Variants in ASCC3 observed in about 807,000 individuals in gnomAD.
ASCC3 encodes the protein ASC-1 complex subunit P200.
Under a neutral mutation model 256.3 loss-of-function variants are expected in ASCC3, and 158 were observed. That is an observed-to-expected ratio of 0.62 (90% CI 0.54 to 0.70). The LOEUF (loss-of-function observed/expected upper bound fraction) is 0.70. Among genes scored for constraint, ASCC3 ranks in the 30% least tolerant of loss-of-function variants. The pLI, the probability that ASCC3 is intolerant of heterozygous loss-of-function variation, is 0.00. For synonymous variants in ASCC3, 948 were observed against 883.4 expected (o/e 1.07, Z -1.30); for missense variants, 2,259 against 2,626.0 (o/e 0.86, Z 3.05).
chr6:100,618,717 GA>G (rs1489174857), intron 30 of ASCC3, among the ~76,000 whole-genome samples: 2 of 152,180 alleles, frequency 1.3e-5, no homozygotes, highest in Non-Finnish European at 2.9e-5. Context: ...ATCTGGTGGT[GA>G]GAAGATTATA....
intron 10 of ASCC3, among the ~76,000 whole-genome samples, chr6:100,732,231 T>C (rs1779939314): frequency 1.3e-5 from 2 of 151,326 alleles, no homozygotes; most frequent in Admixed American, 1.3e-4. Flanking sequence ...TTAAATGTGA[T>C]GAACTAAATA....
At position 100,652,713 on chromosome 6, in the gene ASCC3, T is replaced by C; in HGVS notation, c.2988+12A>G. 6.2e-7 allele frequency: 1 copy of C among 1,610,808 alleles called. No individual in the cohort carries two copies. The highest frequency in any genetic ancestry group is 1.1e-5 in the South Asian group (1 of 90,932). ...GCATCTAAAATCAAACATATTTGCA[T>C]TAGTATAATACCTCAATGGTGTTGT... On this transcript the variant is annotated intron_variant, in intron 18 of 41. Coordinates refer to ENST00000369162, the MANE Select transcript of ASCC3 (RefSeq NM_006828.4).
rs144572321 is a variant in ASCC3, at chr6:100,700,945, G to C, written c.2151+14517C>G. 6.4e-4 allele frequency among the ~76,000 whole-genome samples: 98 copies of C among 152,220 alleles called. 1 individual carries two copies. Among genetic ancestry groups the C allele is most frequent in the Middle Eastern group, 3.4e-3 (1 of 294 alleles). On this transcript the variant is annotated intron_variant, in intron 13 of 41. Transcript: ENST00000369162. ...TGCTGAAATGAGTTAAGACTTTGGG[G>C]AACTGTTGGGAAGGCATGATTGGTT...
At chr6:100,554,806 T>G (rs1451025345) in intron 36 of ASCC3, among the ~76,000 whole-genome samples, 1 of 152,124 alleles carries the variant, frequency 6.6e-6, no homozygotes, top group Non-Finnish European at 1.5e-5. Context: ...GGTCCAGATA[T>G]ATCAACGGAT....
chr6:100,670,642 C>T (rs1318113629), intron 14 of ASCC3, among the ~76,000 whole-genome samples: 1 of 143,450 alleles, frequency 7.0e-6, no homozygotes, highest in African/African-American at 2.6e-5. Context: ...ACTTTTTTTC[C>T]CCCCCAAATT....
At chr6:100,654,370 A>G (rs981525371) in intron 17 of ASCC3, among the ~76,000 whole-genome samples, 8 of 151,874 alleles carry the variant, frequency 5.3e-5, no homozygotes, top group Non-Finnish European at 7.4e-5. Flanking sequence ...AGGTCTTTAT[A>G]CTGGAAAATG....
chr6:100,538,319 CA>C (rs1775271284), intron 37 of ASCC3, among the ~76,000 whole-genome samples: 1 of 152,028 alleles, frequency 6.6e-6, no homozygotes, highest in South Asian at 2.1e-4. Context: ...GACTAATAAG[CA>C]GTAGCAAATC....
chr6:100,582,843 A>G (rs1771383224), intron 36 of ASCC3, among the ~76,000 whole-genome samples: 1 of 152,178 alleles, frequency 6.6e-6, no homozygotes, highest in Non-Finnish European at 1.5e-5. Context: ...TATTGAGATA[A>G]TCATGTGGTT....
At chr6:100,808,691 T>C (rs1401981557) in intron 4 of ASCC3, among the ~76,000 whole-genome samples, 1 of 151,970 alleles carries the variant, frequency 6.6e-6, no homozygotes, top group Non-Finnish European at 1.5e-5. Flanking sequence ...TCTATTATTA[T>C]TGTTATTTTA....
chr6:100,678,383 C>A (rs1311389034), intron 14 of ASCC3, among the ~76,000 whole-genome samples: 1 of 151,854 alleles, frequency 6.6e-6, no homozygotes, highest in Non-Finnish European at 1.5e-5. Flanking sequence ...CAAAACTGTA[C>A]AATCTGTACA....
At chr6:100,835,735 G>C (rs1183828356) in intron 4 of ASCC3, among the ~76,000 whole-genome samples, 1 of 151,976 alleles carries the variant, frequency 6.6e-6, no homozygotes, top group Non-Finnish European at 1.5e-5. Flanking sequence ...GCTATCCAGG[G>C]TCTTCTGTGA....
chr6:100,513,407 C>A (rs1285897417), intron 39 of ASCC3, among the ~76,000 whole-genome samples: 2 of 152,076 alleles, frequency 1.3e-5, no homozygotes, highest in East Asian at 3.9e-4. Flanking sequence ...TTTAGAGAAG[C>A]ATCTATTCAG....
At chr6:100,733,550 T>G (rs1780008951) in intron 10 of ASCC3, among the ~76,000 whole-genome samples, 1 of 152,300 alleles carries the variant, frequency 6.6e-6, no homozygotes, top group East Asian at 1.9e-4. Flanking sequence ...CAGACGCCGA[T>G]GCCCAATCTT....
intron 13 of ASCC3, among the ~76,000 whole-genome samples, chr6:100,683,948 T>C (rs1777430751): frequency 6.6e-6 from 1 of 152,224 alleles, no homozygotes; most frequent in Admixed American, 6.5e-5. Flanking sequence ...ATGGAATCAT[T>C]CCCATACTTG....
Position 100,557,195 on chromosome 6 carries a change from G to A in ASCC3, c.5551-16808C>T, listed in dbSNP as rs187940888. On this transcript the variant is annotated intron_variant, in intron 36 of 41. Coordinates refer to ENST00000369162, the MANE Select transcript of ASCC3 (RefSeq NM_006828.4). The stretch of plus-strand genomic sequence containing the variant: ...AACATTTATTTTTGTTACATGCTCC[G>A]TTGTGATTGCTCTTCTTTTTCCAGC... Among the ~76,000 whole-genome samples, 8 of 152,134 alleles carry A rather than the reference G, an allele frequency of 5.3e-5. No individual in the cohort carries two copies. The East Asian group carries it at 1.4e-3, about 26-fold the overall frequency.
intron 13 of ASCC3, among the ~76,000 whole-genome samples, chr6:100,700,178 C>G (rs1037105467): frequency 6.6e-6 from 1 of 152,084 alleles, no homozygotes; most frequent in African/African-American, 2.4e-5. Flanking sequence ...GTTTTGTGGG[C>G]TGAACCCAGG....
At chr6:100,722,564 TTTTG>T (rs1779392250) in intron 11 of ASCC3, among the ~76,000 whole-genome samples, 1 of 151,806 alleles carries the variant, frequency 6.6e-6, no homozygotes, top group Non-Finnish European at 1.5e-5. Context: ...AAGAACTTTG[TTTTG>T]TTTATCACTA....
intron 8 of ASCC3, among the ~76,000 whole-genome samples, chr6:100,783,734 A>C (rs1782555987): frequency 6.6e-6 from 1 of 152,218 alleles, no homozygotes; most frequent in South Asian, 2.1e-4. Context: ...CAAAAACTAC[A>C]ATGTGATTTC....
At chr6:100,517,380 C>T (rs1199651777) in intron 38 of ASCC3, among the ~76,000 whole-genome samples, 2 of 152,076 alleles carry the variant, frequency 1.3e-5, no homozygotes, top group African/African-American at 2.4e-5. Flanking sequence ...TCTTAACTGG[C>T]GTGAAACACT....
Sources: gnomAD v4.1 joint callset for allele counts (sites outside exome capture counted in the v4.1 genomes callset) on GRCh38, gnomAD v4.1.1 for gene constraint, MANE v1.5 for transcripts, NCBI Gene and HGNC (gene_info 2026-07-23, HGNC 2026-07-21) for gene names.